Variants in ACOXL observed in about 807,000 individuals in gnomAD.
ACOXL encodes acyl-CoA oxidase like.
Under a neutral mutation model 71.9 loss-of-function variants are expected in ACOXL, and 70 were observed. The observed-to-expected ratio is 0.97, with a 90% CI of 0.80 to 1.19. ACOXL has a LOEUF of 1.19. Among genes scored for constraint, ACOXL ranks in the 50% most tolerant of loss-of-function variants. ACOXL has a pLI of 0.00. For missense variants in ACOXL, 703 were observed against 736.3 expected (o/e 0.95, Z 0.52); for synonymous variants, 253 against 281.6 (o/e 0.90, Z 1.02).
chr2:111,048,259 T>C (rs1168503627), intron 15 of ACOXL, among the ~76,000 whole-genome samples: 2 of 152,160 alleles, frequency 1.3e-5, no homozygotes, highest in South Asian at 2.1e-4. Flanking sequence ...GAGGACTGAG[T>C]TTTGCTCTAC....
At chr2:111,100,178 A>G (rs2069049324) in intron 17 of ACOXL, 1 of 152,632 alleles carries the variant, frequency 6.6e-6, no homozygotes, top group African/African-American at 2.4e-5. Context: ...GTGTTGAGAG[A>G]ACCACAGCCC....
intron 10 of ACOXL, chr2:110,888,018 G>T (rs1242074407): frequency 1.3e-5 from 2 of 152,170 alleles, no homozygotes; most frequent in East Asian, 3.8e-4. Flanking sequence ...ATTCCCAAAA[G>T]ACTTTCTCTG....
At chr2:111,002,681 A>G (rs1320573942) in intron 14 of ACOXL, among the ~76,000 whole-genome samples, 1 of 152,178 alleles carries the variant, frequency 6.6e-6, no homozygotes, top group African/African-American at 2.4e-5. Context: ...CTAAGTTTTT[A>G]CCGTTAGGGT....
chr2:110,871,515 C>T (rs1194313511), intron 10 of ACOXL, among the ~76,000 whole-genome samples: 2 of 152,014 alleles, frequency 1.3e-5, no homozygotes, highest in Non-Finnish European at 2.9e-5. Flanking sequence ...AGATTTCATT[C>T]ATCACATCCT....
chr2:110,734,579 T>G (rs1047532229), intron 1 of ACOXL, among the ~76,000 whole-genome samples: 1 of 152,056 alleles, frequency 6.6e-6, no homozygotes, highest in East Asian at 1.9e-4. Flanking sequence ...GTTCCTAAAA[T>G]CAATGTTTGT....
At chr2:110,770,380 G>A (rs1324400000) in intron 2 of ACOXL, among the ~76,000 whole-genome samples, 1 of 152,154 alleles carries the variant, frequency 6.6e-6, no homozygotes, top group Non-Finnish European at 1.5e-5. Flanking sequence ...AGGAGACAAG[G>A]ACCAATCCTG....
At chr2:110,965,446 A>G (rs1008250971) in intron 12 of ACOXL, among the ~76,000 whole-genome samples, 3 of 152,088 alleles carry the variant, frequency 2.0e-5, no homozygotes, top group Non-Finnish European at 2.9e-5. Context: ...TAGTGGCTGT[A>G]CTAATTTACC....
intron 2 of ACOXL, among the ~76,000 whole-genome samples, chr2:110,769,158 G>A (rs945765855): frequency 1.2e-4 from 18 of 151,266 alleles, no homozygotes; most frequent in Non-Finnish European, 2.4e-4. Context: ...CAAAGTTTAT[G>A]TCTTATTTGT....
intron 10 of ACOXL, among the ~76,000 whole-genome samples, chr2:110,853,328 T>C (rs1195479758): frequency 2.0e-5 from 3 of 152,094 alleles, no homozygotes; most frequent in Non-Finnish European, 2.9e-5. Flanking sequence ...TGGCCCAAAA[T>C]GGGAAAAGTG....
chr2:110,895,995 C>T (rs1341025516), intron 10 of ACOXL, among the ~76,000 whole-genome samples: 1 of 152,100 alleles, frequency 6.6e-6, no homozygotes, highest in Admixed American at 6.5e-5. Context: ...TTTCCATCTC[C>T]TCTTGAGTTC....
At chr2:111,030,751 G>GT (rs911201852) in intron 14 of ACOXL, among the ~76,000 whole-genome samples, 2 of 150,808 alleles carry the variant, frequency 1.3e-5, no homozygotes, top group African/African-American at 2.4e-5. Context: ...AATGCTAAAA[G>GT]TTTAAGTATT....
chr2:110,930,720 T>C (rs1558746122), intron 11 of ACOXL, among the ~76,000 whole-genome samples: 2 of 152,226 alleles, frequency 1.3e-5, no homozygotes, highest in African/African-American at 4.8e-5. Context: ...TCCGCTATAC[T>C]CTTCTCATGG....
intron 15 of ACOXL, among the ~76,000 whole-genome samples, chr2:111,037,891 GAA>G (rs909160388): frequency 2.6e-4 from 40 of 152,336 alleles, no homozygotes; most frequent in Admixed American, 7.2e-4. Context: ...TTGAGTTTTT[GAA>G]AGTCTTTCTT....
intron 16 of ACOXL, among the ~76,000 whole-genome samples, chr2:111,067,142 C>G (rs1285803268): frequency 2.0e-5 from 3 of 152,016 alleles, no homozygotes; most frequent in Admixed American, 6.5e-5. Context: ...GTAAAAATAG[C>G]TTGAGTGGCA....
intron 16 of ACOXL, among the ~76,000 whole-genome samples, chr2:111,067,223 A>T (rs2067116062): frequency 6.6e-6 from 1 of 152,206 alleles, no homozygotes; most frequent in Non-Finnish European, 1.5e-5. Context: ...AGTCACTTAC[A>T]AATTTGGCAG....
At chr2:111,112,589 C>CT (rs2070061746) in intron 17 of ACOXL, among the ~76,000 whole-genome samples, 1 of 152,202 alleles carries the variant, frequency 6.6e-6, no homozygotes, top group East Asian at 1.9e-4. Flanking sequence ...GGAGATAAGC[C>CT]AGGCCAAGGC....
intron 14 of ACOXL, among the ~76,000 whole-genome samples, chr2:111,023,370 A>G (rs2064867077): frequency 6.6e-6 from 1 of 152,194 alleles, no homozygotes; most frequent in African/African-American, 2.4e-5. Context: ...GGAAGCAGAA[A>G]TGATGGCACT....
At chr2:111,077,222 T>C (rs2067649413) in intron 16 of ACOXL, among the ~76,000 whole-genome samples, 2 of 152,224 alleles carry the variant, frequency 1.3e-5, no homozygotes, top group African/African-American at 4.8e-5. Context: ...TCTTTGCATA[T>C]GTGTTTTTCT....
chr2:111,020,724 G>A (rs905345976), intron 14 of ACOXL, among the ~76,000 whole-genome samples: 1 of 152,226 alleles, frequency 6.6e-6, no homozygotes, highest in Non-Finnish European at 1.5e-5. Context: ...GAACAATGAT[G>A]TGGGCTCTCA....
Sources: allele counts gnomAD v4.1 joint callset (sites outside exome capture counted in the v4.1 genomes callset), GRCh38; gene constraint gnomAD v4.1.1; transcripts MANE v1.5; gene names NCBI Gene and HGNC (gene_info 2026-07-23, HGNC 2026-07-21).